GINS1: variants seen among roughly 807,000 people sequenced by gnomAD.
The protein encoded by GINS1 is DNA replication complex GINS protein PSF1.
A neutral mutation model predicts 34.9 loss-of-function variants in GINS1; 26 were observed. The ratio of observed to expected loss-of-function variants is 0.74; its 90% CI spans 0.55 to 1.03. GINS1 has a LOEUF of 1.03. Ranked by LOEUF, GINS1 falls within the 50% of genes least tolerant of loss-of-function variation. The pLI is 0.00. For missense variants in GINS1, 235 were observed against 237.9 expected, an observed-to-expected ratio of 0.99 and a Z score of 0.08; for synonymous variants, 97 against 84.4, an observed-to-expected ratio of 1.15 and a Z score of -0.82.
chr20:25,434,091 C>G (rs2090441153), intron 5 of GINS1, among the ~76,000 whole-genome samples: 1 of 151,776 alleles, frequency 6.6e-6, no homozygotes, highest in Admixed American at 6.6e-5. Context: ...TGAGACCAGC[C>G]TGGGCAACAT....
chr20:25,445,839 A>T, intron 6 of GINS1, 84 bp from the exon 7 acceptor site: 1 of 877,160 alleles, frequency 1.1e-6, no homozygotes. Context: ...AATCAGTGCT[A>T]CTTTTTAATG....
intron 4 of GINS1, among the ~76,000 whole-genome samples, chr20:25,424,411 G>C (rs973341040): frequency 6.6e-6 from 1 of 152,036 alleles, no homozygotes; most frequent in African/African-American, 2.4e-5. Flanking sequence ...CTGTGAATAT[G>C]GTATTATTTA....
chr20:25,408,946 A>G (rs2090265132), intron 1 of GINS1: 1 of 983,520 alleles, frequency 1.0e-6, no homozygotes, highest in Admixed American at 6.1e-5. Flanking sequence ...AATAGAATTC[A>G]CCACGCTAAG....
intron 6 of GINS1, among the ~76,000 whole-genome samples, chr20:25,444,674 C>A (rs965794544): frequency 2.0e-5 from 3 of 152,162 alleles, no homozygotes; most frequent in Non-Finnish European, 2.9e-5. Context: ...CCTTAACCTC[C>A]CTCCTCCAAG....
At chr20:25,410,873 G>T (rs1357163818) in intron 1 of GINS1, among the ~76,000 whole-genome samples, 1 of 152,062 alleles carries the variant, frequency 6.6e-6, no homozygotes, top group Admixed American at 6.6e-5. Context: ...CAACACACAG[G>T]CTTTTCTTCT....
intron 4 of GINS1, among the ~76,000 whole-genome samples, chr20:25,423,508 G>A (rs1227326663): frequency 1.8e-5 from 2 of 108,158 alleles, no homozygotes; most frequent in Admixed American, 1.4e-4. Context: ...TCACTCTGTC[G>A]CCCAGGCTGG....
Position 25,425,291 on chromosome 20 carries a change from A to G in GINS1, c.411A>G (p.Thr137=). The change falls in exon 5 of 7, where the codon ACA becomes ACG. Residue 137 remains threonine, a synonymous_variant. Transcript: ENST00000262460. ...GAGGAGATGAAGGTTTGGACATTACACAGGATATGAAACCACCAAAAAGCC... is the reference window on the plus strand; with the variant it reads ...GAGGAGATGAAGGTTTGGACATTACGCAGGATATGAAACCACCAAAAAGCC... ...SLGGDEGLDI[T]QDMKPPKSLY... 6.5e-7 allele frequency: 1 copy of G among 1,546,492 alleles called. No individual in the cohort carries two copies. Among genetic ancestry groups the G allele is most frequent in the South Asian group, 1.1e-5 (1 of 89,512 alleles).
intron 1 of GINS1, among the ~76,000 whole-genome samples, chr20:25,408,407 CACAT>C (rs1215599349): frequency 1.3e-5 from 2 of 152,180 alleles, no homozygotes; most frequent in African/African-American, 4.8e-5. Flanking sequence ...GCATATGCCT[CACAT>C]ACAGTAAGGG....
At chr20:25,429,966 G>T (rs1389116590) in intron 5 of GINS1, among the ~76,000 whole-genome samples, 1 of 152,194 alleles carries the variant, frequency 6.6e-6, no homozygotes, top group Non-Finnish European at 1.5e-5. Flanking sequence ...AGGTTGGAGT[G>T]CAGTGGCACA....
rs191965315 is a variant in GINS1, at chr20:25,446,210, T to G, written c.*219T>G. On this transcript the variant is annotated 3_prime_UTR_variant, in exon 7 of 7. Transcript: ENST00000262460. ...CTTCCTACTCTTTTTTGGTTTTGGTTTTGTTTTGTAGAGACTGTCTCACTA... is the reference window on the plus strand; with the variant it reads ...CTTCCTACTCTTTTTTGGTTTTGGTGTTGTTTTGTAGAGACTGTCTCACTA... 5.9e-4 allele frequency: 234 copies of G among 395,760 alleles called. No individual in the cohort carries two copies. Among genetic ancestry groups the G allele is most frequent in the Non-Finnish European group, 3.5e-4 (77 of 222,426 alleles). 24.5% of individuals were successfully genotyped at this position (395,760 alleles called of 1,614,324 possible). A position where few individuals can be genotyped will look rare whatever the true frequency, so the allele number is the denominator to read the frequency against.
intron 1 of GINS1, among the ~76,000 whole-genome samples, chr20:25,413,116 A>G (rs2090297022): frequency 1.3e-5 from 2 of 151,242 alleles, no homozygotes; most frequent in African/African-American, 4.9e-5. Flanking sequence ...CTGGAGTGCA[A>G]TGGCATGATC....
intron 5 of GINS1, among the ~76,000 whole-genome samples, chr20:25,433,846 A>G (rs897945606): frequency 3.3e-5 from 5 of 152,226 alleles, no homozygotes; most frequent in Non-Finnish European, 7.3e-5. Flanking sequence ...GCCCCAAAAC[A>G]TAAACTAATA....
In GINS1 at chr20:25,434,419, G is replaced by A. The variant is rs7266033; in HGVS notation, c.448-7283G>A. ...GCTAAAACAAAATACCTGAGACTAG[G>A]TAATTTCTAACGAACAGTAATTTTT... On this transcript the variant is annotated intron_variant, in intron 5 of 6. Coordinates refer to ENST00000262460, the MANE Select transcript of GINS1 (RefSeq NM_021067.5). Among the ~76,000 whole-genome samples, 1,093 of 151,214 alleles carry A rather than the reference G, an allele frequency of 7.2e-3. 6 individuals are homozygous for A. Among genetic ancestry groups the A allele is most frequent in the Middle Eastern group, 0.021 (6 of 290 alleles).
intron 5 of GINS1, among the ~76,000 whole-genome samples, chr20:25,432,827 A>G (rs2090434699): frequency 6.7e-6 from 1 of 148,874 alleles, no homozygotes; most frequent in Admixed American, 6.7e-5. Context: ...TTATATATTT[A>G]TCATATATTA....
chr20:25,427,897 A>C (rs1415354973), intron 5 of GINS1, among the ~76,000 whole-genome samples: 2 of 122,468 alleles, frequency 1.6e-5, no homozygotes, highest in African/African-American at 6.3e-5. Flanking sequence ...TTGAGATGGA[A>C]TTTTGCTCTT....
intron 5 of GINS1, among the ~76,000 whole-genome samples, chr20:25,428,969 CTTTTTTTTTTTTTTTTTTTTTT>C (rs77113924): frequency 6.3e-5 from 8 of 127,442 alleles, no homozygotes; most frequent in East Asian, 4.1e-4. Flanking sequence ...ATTCCTCTCT[CTTTTTTTTTTTTTTTTTTTTTT>C]TTTTTTTTTT....
chr20:25,413,732 A>T lies in GINS1; in HGVS notation c.76-58A>T, dbSNP rs527744707. 5 of 959,140 alleles carry T rather than the reference A, an allele frequency of 5.2e-6. No individual in the cohort carries two copies. The East Asian group carries it at 1.2e-4, about 23-fold the overall frequency. 59.4% of individuals were successfully genotyped at this position (959,140 alleles called of 1,614,324 possible). A position where few individuals can be genotyped will look rare whatever the true frequency, so the allele number is the denominator to read the frequency against. The stretch of plus-strand genomic sequence containing the variant: ...AGATACAGTTCAGTATTGATAGCAT[A>T]TTGCCACAGAATTGGTGGGGAAATC... On this transcript the variant is annotated intron_variant, in intron 1 of 6. Transcript: ENST00000262460.
rs546212345 is a variant in GINS1, at chr20:25,418,990, C to T, written c.330+795C>T. Among the ~76,000 whole-genome samples the T allele has an allele frequency of 4.6e-5, 7 of 152,282 alleles. No homozygotes were observed. In the East Asian group the frequency reaches 1.3e-3, roughly 29 times the overall value. On this transcript the variant is annotated intron_variant, in intron 4 of 6. Transcript: ENST00000262460. ...TAGCACAGACTATGTAGGGGTTCAC[C>T]ACGAGTCACCTGAGTAGCACATACT...
intron 5 of GINS1, among the ~76,000 whole-genome samples, chr20:25,429,680 T>C (rs2090416447): frequency 6.6e-6 from 1 of 151,510 alleles, no homozygotes; most frequent in African/African-American, 2.4e-5. Flanking sequence ...ATCCTGTTAC[T>C]GTGCTGAATT....
Sources: allele counts gnomAD v4.1 joint callset (sites outside exome capture counted in the v4.1 genomes callset), GRCh38; gene constraint gnomAD v4.1.1; transcripts MANE v1.5; gene names NCBI Gene and HGNC (gene_info 2026-07-23, HGNC 2026-07-21).